The following TRMT11 variants were observed in gnomAD, a reference collection of about 807,000 sequenced individuals.
The protein encoded by TRMT11 is tRNA methyltransferase 11, also known as tRNA (guanine(10)-N(2))-methyltransferase TRMT11.
A neutral mutation model predicts 62.8 loss-of-function variants in TRMT11; 53 were observed. That is an observed-to-expected ratio of 0.84 (90% CI 0.68 to 1.06). TRMT11 has a LOEUF of 1.06. TRMT11 is among the 50% of genes least tolerant of loss of function. TRMT11 has a pLI of 0.00. For missense variants in TRMT11, 556 were observed against 553.4 expected, an observed-to-expected ratio of 1.00 and a Z score of -0.05; for synonymous variants, 188 against 190.3, an observed-to-expected ratio of 0.99 and a Z score of 0.10.
chr6:126,102,168 T>C (rs1344130367), intron 17 of TRMT11, among the ~76,000 whole-genome samples: 4 of 152,176 alleles, frequency 2.6e-5, no homozygotes, highest in Non-Finnish European at 5.9e-5. Flanking sequence ...TCAGTTATTG[T>C]GGAGAGACTT....
At position 125,998,540 on chromosome 6, in the gene TRMT11, T is replaced by C; in HGVS notation, c.388-10T>C. The C allele has an allele frequency of 1.2e-6, 2 of 1,605,478 alleles. No homozygotes were observed. The highest frequency in any genetic ancestry group is 1.7e-6 in the Non-Finnish European group (2 of 1,177,570). On this transcript the variant is annotated splice_polypyrimidine_tract_variant and intron_variant, in intron 5 of 12. Transcript: ENST00000334379. ...TTATAAGACATCAGCATTTCTTTTGTTTCTTTTAGGCACTTGAATTTCTGC... is the reference window on the plus strand; with the variant it reads ...TTATAAGACATCAGCATTTCTTTTGCTTCTTTTAGGCACTTGAATTTCTGC...
the TRMT11 span, among the ~76,000 whole-genome samples, chr6:126,240,155 C>T: frequency 1.3e-5 from 2 of 152,202 alleles, no homozygotes; most frequent in African/African-American, 2.4e-5. Flanking sequence ...TGGGTTCAAA[C>T]TTCCTCCTTT....
At chr6:125,996,155 A>G in intron 3 of TRMT11, 115 bp downstream of exon 3, 1 of 613,426 alleles carries the variant, frequency 1.6e-6, no homozygotes, top group Non-Finnish European at 2.8e-6. Flanking sequence ...GCAGTTACAT[A>G]CAACTGCCAC....
chr6:126,232,053 T>C, the TRMT11 span, among the ~76,000 whole-genome samples: 1 of 152,154 alleles, frequency 6.6e-6, no homozygotes, highest in Admixed American at 6.5e-5. Flanking sequence ...ATATGGTAAA[T>C]CTTCTGGTGG....
chr6:126,269,228 C>T, the TRMT11 span, among the ~76,000 whole-genome samples: 1 of 134,588 alleles, frequency 7.4e-6, no homozygotes, highest in Non-Finnish European at 1.5e-5. Context: ...CCCGCCACTG[C>T]ACTCCAGCCT....
downstream of TRMT11, among the ~76,000 whole-genome samples, chr6:126,205,229 G>A (rs919078585): frequency 1.3e-5 from 2 of 152,180 alleles, no homozygotes; most frequent in African/African-American, 4.8e-5. Context: ...TTAAGGCCAG[G>A]TGCAGTGGCT....
chr6:126,157,990 C>A (rs1409917961), intron 21 of TRMT11, among the ~76,000 whole-genome samples: 1 of 152,144 alleles, frequency 6.6e-6, no homozygotes, highest in Admixed American at 6.5e-5. Context: ...GTCAGCCACT[C>A]ATAAGCCCCT....
At chr6:126,001,876 C>T (rs1373746052) in intron 7 of TRMT11, among the ~76,000 whole-genome samples, 1 of 152,060 alleles carries the variant, frequency 6.6e-6, no homozygotes, top group Admixed American at 6.6e-5. Context: ...ATTTGTTTTT[C>T]TATTTGTTAT....
At chr6:126,027,621 A>G (rs1773431049) in intron 12 of TRMT11, among the ~76,000 whole-genome samples, 1 of 152,170 alleles carries the variant, frequency 6.6e-6, no homozygotes, top group South Asian at 2.1e-4. Flanking sequence ...CTAAAGTTTA[A>G]TGTATAAATC....
chr6:126,229,500 T>C, the TRMT11 span, among the ~76,000 whole-genome samples: 1 of 152,156 alleles, frequency 6.6e-6, no homozygotes, highest in Non-Finnish European at 1.5e-5. Context: ...GGCTGGTAGA[T>C]TTTACACATT....
chr6:126,038,808 C>T lies in TRMT11; in HGVS notation c.1364C>T (p.Ala455Val). 2 of 1,596,024 alleles carry T rather than the reference C, an allele frequency of 1.3e-6. No individual in the cohort carries two copies. The highest frequency in any genetic ancestry group is 1.7e-6 in the Non-Finnish European group (2 of 1,172,598). ...TTTAGTGGGGTAACAAAAAGAATTGCCAAGGAAGAAAAATCCACCCAGGAA... is the reference window on the plus strand; with the variant it reads ...TTTAGTGGGGTAACAAAAAGAATTGTCAAGGAAGAAAAATCCACCCAGGAA... ...KYFSGVTKRI[A>V]KEEKSTQE The change falls in exon 13 of 13, where the codon GCC (alanine) becomes GTC (valine). Residue 455 changes from alanine (A) to valine (V), a missense_variant. Physicochemically the swap from Ala to Val is moderately conservative, Grantham distance 64. Transcript: ENST00000334379.
At chr6:126,137,999 G>A (rs777313098) in intron 21 of TRMT11, among the ~76,000 whole-genome samples, 5 of 151,778 alleles carry the variant, frequency 3.3e-5, no homozygotes, top group Non-Finnish European at 7.4e-5. Context: ...TGGTTAATGA[G>A]TACAAAAATA....
At chr6:126,124,704 C>T (rs80277129) in intron 21 of TRMT11, among the ~76,000 whole-genome samples, 3,699 of 152,150 alleles carry the variant, frequency 0.024, 61 homozygotes, top group Non-Finnish European at 0.036. Flanking sequence ...CACATAGTCA[C>T]CCTAGCCAAA....
chr6:125,993,354 A>G (rs1790939603), intron 1 of TRMT11, among the ~76,000 whole-genome samples: 1 of 152,216 alleles, frequency 6.6e-6, no homozygotes, highest in Admixed American at 6.5e-5. Flanking sequence ...TTTGTGCTTA[A>G]TGAATACATA....
chr6:126,177,943 A>G (rs894073838), intron 1 of TRMT11, among the ~76,000 whole-genome samples: 9 of 151,852 alleles, frequency 5.9e-5, no homozygotes, highest in African/African-American at 1.4e-4. Flanking sequence ...TCCTCCCACA[A>G]CTGGTTGTTC....
the TRMT11 span, among the ~76,000 whole-genome samples, chr6:126,244,593 A>G: frequency 9.2e-5 from 14 of 152,360 alleles, no homozygotes; most frequent in South Asian, 8.3e-4. Flanking sequence ...ACTGTCAGAG[A>G]TACACGTATC....
chr6:126,258,286 A>C, the TRMT11 span: 7 of 489,418 alleles, frequency 1.4e-5, no homozygotes, highest in African/African-American at 1.2e-4. Flanking sequence ...GAAAGTAAAC[A>C]CGTGGTCCTG....
At chr6:126,259,495 C>G in the TRMT11 span, among the ~76,000 whole-genome samples, 1 of 152,222 alleles carries the variant, frequency 6.6e-6, no homozygotes, top group Non-Finnish European at 1.5e-5. Flanking sequence ...CCGCACCTGG[C>G]CTGCACCACA....
intron 7 of TRMT11, among the ~76,000 whole-genome samples, chr6:126,002,677 G>A (rs1207761797): frequency 6.6e-6 from 1 of 151,948 alleles, no homozygotes; most frequent in Non-Finnish European, 1.5e-5. Context: ...TTTCAAATAT[G>A]TATAAGATGA....
Sources: gnomAD v4.1 joint callset for allele counts (sites outside exome capture counted in the v4.1 genomes callset) on GRCh38, gnomAD v4.1.1 for gene constraint, MANE v1.5 for transcripts, NCBI Gene and HGNC (gene_info 2026-07-23, HGNC 2026-07-21) for gene names.